Variants in KMT2C observed in about 807,000 individuals in gnomAD.
KMT2C encodes the protein histone-lysine N-methyltransferase 2C.
Under a neutral mutation model 507.9 loss-of-function variants are expected in KMT2C, and 88 were observed. That is an observed-to-expected ratio of 0.17 (90% CI 0.15 to 0.21). KMT2C has a LOEUF of 0.21. KMT2C is among the 10% of genes least tolerant of loss of function. The probability of loss-of-function intolerance (pLI) is 1.00; values close to 1 mark genes in which losing one functional copy is unlikely to be tolerated. For missense variants in KMT2C, 4,954 were observed against 5,957.8 expected (o/e 0.83, Z 5.55); for synonymous variants, 2,049 against 2,080.8 (o/e 0.98, Z 0.42).
intron 9 of KMT2C, among the ~76,000 whole-genome samples, chr7:152,257,966 G>C (rs537960666): frequency 6.6e-6 from 1 of 152,230 alleles, no homozygotes; most frequent in African/African-American, 2.4e-5. Context: ...ACCACATGTA[G>C]CCTGCGGGTC....
In KMT2C at chr7:152,194,110, A is replaced by C; in HGVS notation, c.4559T>G (p.Val1520Gly). The C allele has an allele frequency of 6.3e-7, 1 of 1,578,056 alleles. No individual in the cohort carries two copies. The change falls in exon 31 of 59, where the codon GTT becomes GGT. Residue 1520 changes from valine (V) to glycine (G), a missense_variant. This residue lies in a region of KMT2C where 195 missense variants were observed against 183.7 expected (regional missense o/e 1.06). Transcript: ENST00000262189. ...YKIPELGGKD[V>G]EDLFTAVLSP... Reference sequence around the variant, plus strand: ...AAGTACAGCTGTAAATAAGTCTTCAACATCTTTTCCGCCAAGCTCTAGGAG... The same window carrying C: ...AAGTACAGCTGTAAATAAGTCTTCACCATCTTTTCCGCCAAGCTCTAGGAG...
intron 49 of KMT2C, among the ~76,000 whole-genome samples, chr7:152,151,968 G>A (rs1397260626): frequency 6.6e-6 from 1 of 152,186 alleles, no homozygotes; most frequent in Non-Finnish European, 1.5e-5. Context: ...ATGTATAAGA[G>A]TCTTAAATAA....
In KMT2C at chr7:152,151,053, T is replaced by G. The variant is rs767390452; in HGVS notation, c.12667-46A>C. On this transcript the variant is annotated intron_variant, in intron 50 of 58. Transcript: ENST00000262189. ...TGTGGGAATCTCAACAAGTCAAAAT[T>G]TAATAAAAACAGGATCTATACATTA... The G allele has an allele frequency of 6.6e-5, 79 of 1,193,312 alleles. 1 individual carries two copies. The South Asian group carries it at 8.5e-4, about 13-fold the overall frequency. 73.9% of individuals were successfully genotyped at this position (1,193,312 alleles called of 1,614,324 possible).
At chr7:152,217,487 T>C (rs1055363384) in intron 23 of KMT2C, among the ~76,000 whole-genome samples, 1 of 152,182 alleles carries the variant, frequency 6.6e-6, no homozygotes, top group African/African-American at 2.4e-5. Flanking sequence ...GGATGTGAGA[T>C]CCTGGCACGT....
At position 152,263,247 on chromosome 7, in the gene KMT2C, T is replaced by C. The variant is rs113950729; in HGVS notation, c.1185-117A>G. On this transcript the variant is annotated intron_variant, in intron 8 of 58. Coordinates refer to ENST00000262189, the MANE Select transcript of KMT2C (RefSeq NM_170606.3). ...CACAGTTCATAAATACCTCAGTATC[T>C]GTTTTGTCTCTGCAGATAGTAACAG... 8.8e-6 allele frequency: 7 copies of C among 799,602 alleles called. No homozygotes were observed. In the African/African-American group the frequency reaches 1.1e-4, roughly 12 times the overall value. 49.5% of individuals were successfully genotyped at this position (799,602 alleles called of 1,614,324 possible). A position where few individuals can be genotyped will look rare whatever the true frequency, so the allele number is the denominator to read the frequency against.
intron 40 of KMT2C, among the ~76,000 whole-genome samples, 182 bp downstream of exon 40, chr7:152,171,082 A>G (rs1451172713): frequency 6.6e-6 from 1 of 152,208 alleles, no homozygotes; most frequent in East Asian, 1.9e-4. Flanking sequence ...TAAGGCTACT[A>G]TTTAGGTTGG....
rs996486819 is a variant in KMT2C, at chr7:152,159,045, C to T, written c.11488G>A (p.Gly3830Ser). 2 of 1,614,048 alleles carry T rather than the reference C, an allele frequency of 1.2e-6. No homozygotes were observed. Among genetic ancestry groups the T allele is most frequent in the Non-Finnish European group, 1.7e-6 (2 of 1,180,034 alleles). The stretch of plus-strand genomic sequence containing the variant: ...GGCAACTGGTTGCCACATCCAAAAC[C>T]ACCTTGCATTTGAGCCCCCAAAGTT... ...LQTLGAQMQG[G>S]FGCGNQLPKT... Residue 3830 changes from glycine (G) to serine (S), a missense_variant, in exon 44 of 59, where the codon GGT becomes AGT. Around this residue, in one of 29 missense-constraint regions of KMT2C, gnomAD observed 801 missense variants for 751.2 expected, o/e 1.07. Transcript: ENST00000262189.
At chr7:152,206,091 A>G (rs931336635) in intron 24 of KMT2C, among the ~76,000 whole-genome samples, 3 of 152,188 alleles carry the variant, frequency 2.0e-5, no homozygotes, top group African/African-American at 7.2e-5. Context: ...TCACTGGTTA[A>G]AAAAGGGGGT....
intron 1 of KMT2C, among the ~76,000 whole-genome samples, chr7:152,386,971 T>C (rs1231075158): frequency 6.6e-6 from 1 of 152,174 alleles, no homozygotes; most frequent in Non-Finnish European, 1.5e-5. Flanking sequence ...ATATAGAATT[T>C]TGTTAAGTAT....
chr7:152,373,594 C>T (rs1161378525), intron 1 of KMT2C, among the ~76,000 whole-genome samples: 2 of 152,160 alleles, frequency 1.3e-5, no homozygotes, highest in African/African-American at 2.4e-5. Flanking sequence ...CATAAAGGAA[C>T]AGGCTAAAGT....
chr7:152,397,602 C>T (rs2097544872), intron 1 of KMT2C, among the ~76,000 whole-genome samples: 1 of 152,096 alleles, frequency 6.6e-6, no homozygotes, highest in Admixed American at 6.5e-5. Flanking sequence ...GAGTATAACA[C>T]ACTTGATATG....
intron 3 of KMT2C, among the ~76,000 whole-genome samples, chr7:152,329,561 C>T (rs1161637733): frequency 6.8e-6 from 1 of 147,854 alleles, no homozygotes; most frequent in Non-Finnish European, 1.5e-5. Flanking sequence ...CAGAGTAAGA[C>T]CTTGCCTCAA....
intron 40 of KMT2C, 58 bp from the exon 41 acceptor site, chr7:152,169,307 A>G (rs1032314763): frequency 2.1e-5 from 19 of 898,282 alleles, no homozygotes; most frequent in Non-Finnish European, 3.2e-5. Context: ...AAGGGGGGAA[A>G]AAACTTTAAA....
At chr7:152,431,321 A>T (rs181331446) in intron 1 of KMT2C, among the ~76,000 whole-genome samples, 1 of 152,120 alleles carries the variant, frequency 6.6e-6, no homozygotes, top group Non-Finnish European at 1.5e-5. Flanking sequence ...TCCCTGGGCC[A>T]GGTGCGGTGT....
chr7:152,259,452 A>ACGCGCG (rs968516329), intron 9 of KMT2C, among the ~76,000 whole-genome samples: 16 of 122,392 alleles, frequency 1.3e-4, no homozygotes, highest in African/African-American at 6.5e-4. Flanking sequence ...ACGCGCACAC[A>ACGCGCG]CACACACACA....
At chr7:152,143,455 C>G (rs1280298956) in intron 55 of KMT2C, among the ~76,000 whole-genome samples, 1 of 152,216 alleles carries the variant, frequency 6.6e-6, no homozygotes, top group Admixed American at 6.5e-5. Context: ...CAGGAGGCCC[C>G]ACCTCCAGAG....
chr7:152,163,269 C>G lies in KMT2C; in HGVS notation c.10308G>C (p.Met3436Ile). 1.2e-6 allele frequency: 2 copies of G among 1,614,210 alleles called. No individual in the cohort carries two copies. The highest frequency in any genetic ancestry group is 1.7e-6 in the Non-Finnish European group (2 of 1,180,036). Residue 3436 changes from methionine (M) to isoleucine (I), a missense_variant, in exon 43 of 59, where the codon ATG becomes ATC. Physicochemically the swap from Met to Ile is conservative, Grantham distance 10 (BLOSUM62 1). This residue lies in a region of KMT2C where 801 missense variants were observed against 751.2 expected (regional missense o/e 1.07). Coordinates refer to ENST00000262189, the MANE Select transcript of KMT2C (RefSeq NM_170606.3). ...TACTACTACTTATCTCAGAGCCCACCATACCATGCTGCTCCATTTCCATCC... is the reference window on the plus strand; with the variant it reads ...TACTACTACTTATCTCAGAGCCCACGATACCATGCTGCTCCATTTCCATCC... ...QQRMEMEQHG[M>I]VGSEISSSRT...
intron 31 of KMT2C, among the ~76,000 whole-genome samples, chr7:152,188,982 G>T (rs149994604): frequency 1.3e-5 from 2 of 152,068 alleles, no homozygotes; most frequent in African/African-American, 4.8e-5. Context: ...CTAAAAATCA[G>T]ATGATTATTC....
chr7:152,201,083 T>A (rs1055922309), intron 26 of KMT2C, among the ~76,000 whole-genome samples: 1 of 152,150 alleles, frequency 6.6e-6, no homozygotes, highest in African/African-American at 2.4e-5. Flanking sequence ...AGTATAAATC[T>A]GAGAAATCTT....
Sources: allele counts gnomAD v4.1 joint callset (sites outside exome capture counted in the v4.1 genomes callset), GRCh38; gene constraint gnomAD v4.1.1; regional missense constraint gnomAD v4.1.1; transcripts MANE v1.5; gene names NCBI Gene and HGNC (gene_info 2026-07-23, HGNC 2026-07-21).